Variants in GRHL2 observed in about 807,000 individuals in gnomAD.
GRHL2 encodes grainyhead like transcription factor 2.
GRHL2 carries 21 observed loss-of-function variants against 83.8 expected under a neutral mutation model. The ratio of observed to expected loss-of-function variants is 0.25; its 90% CI spans 0.18 to 0.36. GRHL2 has a LOEUF of 0.36. GRHL2 is among the 10% of genes least tolerant of loss of function. The pLI is 1.00. For missense variants in GRHL2, 623 were observed against 781.8 expected (o/e 0.80, Z 2.42); for synonymous variants, 280 against 278.9 (o/e 1.00, Z -0.04).
At chr8:101,670,757 C>T (rs577013849), downstream of GRHL2, among the ~76,000 whole-genome samples, 10 of 152,312 alleles carry the variant, frequency 6.6e-5, no homozygotes, top group African/African-American at 1.2e-4. Flanking sequence ...TGGAATGAGA[C>T]GCTGGTTGGA....
At chr8:101,646,544 T>G (rs1813515089) in intron 13 of GRHL2, among the ~76,000 whole-genome samples, 1 of 152,232 alleles carries the variant, frequency 6.6e-6, no homozygotes, top group African/African-American at 2.4e-5. Context: ...CTGGGCCCCT[T>G]GCTTGGAGCA....
chr8:101,673,564 A>G (rs1814243333), downstream of GRHL2, among the ~76,000 whole-genome samples: 1 of 149,260 alleles, frequency 6.7e-6, no homozygotes. Flanking sequence ...ACCCAGATTC[A>G]TAAAGCAAGT....
chr8:101,652,561 G>GTGTGTGTGTGTGTGA lies in GRHL2; in HGVS notation c.1698+3064_1698+3065insTGTGTGTGTGTGATG, dbSNP rs1813688354. On this transcript the variant is annotated intron_variant, in intron 14 of 15. Transcript: ENST00000646743. ...TGTGTGTGTGTGGTGTGTATGTGTG[G>GTGTGTGTGTGTGTGA]TGGTGTGTGTGTGGTGTGTGTGGTG... is the stretch of plus-strand genomic sequence containing the variant. 2.0e-3 allele frequency among the ~76,000 whole-genome samples: 137 copies of GTGTGTGTGTGTGTGA among 66,872 alleles called. 15 individuals carry two copies. The highest frequency in any genetic ancestry group is 0.01 in the African/African-American group (132 of 12,878). 43.9% of individuals were successfully genotyped at this position (66,872 alleles called of 152,430 possible). A position where few individuals can be genotyped will look rare whatever the true frequency, so the allele number is the denominator to read the frequency against.
chr8:101,532,732 G>A (rs906811201), intron 1 of GRHL2, among the ~76,000 whole-genome samples: 2 of 150,896 alleles, frequency 1.3e-5, no homozygotes, highest in African/African-American at 4.9e-5. Flanking sequence ...CCAGCCTGGG[G>A]GACAGAGCGA....
intron 7 of GRHL2, among the ~76,000 whole-genome samples, chr8:101,585,241 T>C (rs918419888): frequency 2.0e-5 from 3 of 152,228 alleles, no homozygotes; most frequent in African/African-American, 7.2e-5. Context: ...CCCCAAATTA[T>C]ACAGATTTGC....
At chr8:101,680,444 C>G in the GRHL2 span, among the ~76,000 whole-genome samples, 1 of 148,494 alleles carries the variant, frequency 6.7e-6, no homozygotes, top group Non-Finnish European at 1.5e-5. Flanking sequence ...TAGTGACCTA[C>G]AAAGAGACTT....
intron 2 of GRHL2, among the ~76,000 whole-genome samples, chr8:101,549,993 G>A (rs1483939267): frequency 6.6e-6 from 1 of 151,930 alleles, no homozygotes; most frequent in Non-Finnish European, 1.5e-5. Context: ...CATAAACTCA[G>A]GGTATAGTGG....
At chr8:101,673,772 C>A (rs1343674653), downstream of GRHL2, among the ~76,000 whole-genome samples, 7 of 152,054 alleles carry the variant, frequency 4.6e-5, no homozygotes, top group African/African-American at 7.2e-5. Context: ...CAGCACCACA[C>A]CACACCTATT....
chr8:101,554,427 C>T (rs918287315), intron 3 of GRHL2, among the ~76,000 whole-genome samples: 1 of 152,202 alleles, frequency 6.6e-6, no homozygotes, highest in Admixed American at 6.5e-5. Context: ...CTACCTTTCA[C>T]ATCACAGACA....
In GRHL2 at chr8:101,566,648, T is replaced by C. The variant is rs542368232; in HGVS notation, c.679-3691T>C. Among the ~76,000 whole-genome samples, 19 of 149,962 alleles carry C rather than the reference T, an allele frequency of 1.3e-4. No homozygotes were observed. The South Asian group carries it at 3.8e-3, about 30-fold the overall frequency. The stretch of plus-strand genomic sequence containing the variant: ...ATATTTATTATATCTAACTGCCCGA[T>C]TGATTTTTTTTACTTATCCCAAGTC... On this transcript the variant is annotated intron_variant, in intron 4 of 15. Transcript: ENST00000646743.
At chr8:101,654,496 C>CCAA (rs1157846214) in intron 14 of GRHL2, among the ~76,000 whole-genome samples, 2 of 152,122 alleles carry the variant, frequency 1.3e-5, no homozygotes, top group Non-Finnish European at 2.9e-5. Context: ...TACTGAACAC[C>CCAA]CAACTCCCTA....
chr8:101,606,017 C>CT (rs1263809640), intron 8 of GRHL2, among the ~76,000 whole-genome samples: 1 of 152,064 alleles, frequency 6.6e-6, no homozygotes, highest in African/African-American at 2.4e-5. Context: ...ATTCCTTGTT[C>CT]TTTTTTTGAA....
the GRHL2 span, among the ~76,000 whole-genome samples, chr8:101,678,522 C>G: frequency 6.6e-6 from 1 of 152,188 alleles, no homozygotes; most frequent in African/African-American, 2.4e-5. Context: ...CCCGCCATTG[C>G]CCAGGCTTGC....
intron 1 of GRHL2, among the ~76,000 whole-genome samples, chr8:101,522,041 A>T (rs1228939046): frequency 6.6e-6 from 1 of 152,140 alleles, no homozygotes; most frequent in Non-Finnish European, 1.5e-5. Flanking sequence ...AGCTGTTTGT[A>T]ATTTTGGTTT....
At chr8:101,620,947 G>C (rs1414390800) in intron 9 of GRHL2, among the ~76,000 whole-genome samples, 1 of 151,752 alleles carries the variant, frequency 6.6e-6, no homozygotes, top group Admixed American at 6.6e-5. Flanking sequence ...AAAAATTATC[G>C]GAGTAAAGTC....
chr8:101,672,575 TGATTGGTGTACCTGAAAGTGATGGGGA>T (rs1225783234), downstream of GRHL2, among the ~76,000 whole-genome samples: 1 of 151,816 alleles, frequency 6.6e-6, no homozygotes, highest in Non-Finnish European at 1.5e-5. Flanking sequence ...AATCCATGTC[TGATTGGTGTACCTGAAAGTGATGGGGA>T]GAATGGAACC....
intron 13 of GRHL2, among the ~76,000 whole-genome samples, chr8:101,647,733 ATTTTCT>A (rs3029404): frequency 2.7e-5 from 4 of 150,574 alleles, no homozygotes; most frequent in Non-Finnish European, 3.0e-5. Flanking sequence ...CCTGTTCATT[ATTTTCT>A]TTTTCTTTTT....
downstream of GRHL2, among the ~76,000 whole-genome samples, chr8:101,670,351 A>ATCT (rs1370539315): frequency 2.4e-4 from 37 of 152,306 alleles, no homozygotes; most frequent in African/African-American, 8.4e-4. Flanking sequence ...ATTCTTCTAC[A>ATCT]TCTTCCCATC....
At chr8:101,642,662 T>A (rs951745383) in intron 12 of GRHL2, among the ~76,000 whole-genome samples, 1 of 152,138 alleles carries the variant, frequency 6.6e-6, no homozygotes, top group Non-Finnish European at 1.5e-5. Flanking sequence ...GGGTTTTAAG[T>A]TTTTTCTCTA....
Sources: gnomAD v4.1 joint callset for allele counts (sites outside exome capture counted in the v4.1 genomes callset) on GRCh38, gnomAD v4.1.1 for gene constraint, MANE v1.5 for transcripts, NCBI Gene and HGNC (gene_info 2026-07-23, HGNC 2026-07-21) for gene names.